The following MFHAS1 variants were observed in gnomAD, a reference collection of about 807,000 sequenced individuals.
MFHAS1 encodes the protein malignant fibrous histiocytoma-amplified sequence 1.
MFHAS1 carries 50 observed loss-of-function variants against 70.4 expected under a neutral mutation model. The observed-to-expected ratio is 0.71, with a 90% CI of 0.57 to 0.90. The LOEUF is 0.90. MFHAS1 is among the 40% of genes least tolerant of loss of function. The pLI, the probability that MFHAS1 is intolerant of heterozygous loss-of-function variation, is 0.00. For synonymous variants in MFHAS1, 952 were observed against 620.0 expected, an observed-to-expected ratio of 1.54 and a Z score of -7.96; for missense variants, 1,795 against 1,347.6, an observed-to-expected ratio of 1.33 and a Z score of -5.20.
chr8:8,817,207 T>G (rs1269027540), intron 1 of MFHAS1, among the ~76,000 whole-genome samples: 1 of 151,750 alleles, frequency 6.6e-6, no homozygotes, highest in Non-Finnish European at 1.5e-5. Flanking sequence ...ATAAAATGAG[T>G]AACCACCATA....
rs1806159820 is a variant in MFHAS1 at position 8,803,544 on chromosome 8, A to G, written c.2999-6053T>C. Among the ~76,000 whole-genome samples the G allele has an allele frequency of 1.3e-5, 2 of 151,814 alleles. 1 individual carries two copies. The highest frequency in any genetic ancestry group is 4.2e-4 in the South Asian group (2 of 4,812). On this transcript the variant is annotated intron_variant, in intron 1 of 2. Transcript: ENST00000276282. ...AAAAAAAAAAAAAGAAAGAAAAAGAAAACTAAATTCCATCTGTACTGAACA... is the reference window on the plus strand; with the variant it reads ...AAAAAAAAAAAAAGAAAGAAAAAGAGAACTAAATTCCATCTGTACTGAACA...
At chr8:8,885,744 C>T (rs773926717) in intron 1 of MFHAS1, among the ~76,000 whole-genome samples, 2 of 152,234 alleles carry the variant, frequency 1.3e-5, no homozygotes, top group Non-Finnish European at 2.9e-5. Context: ...GGGTCTTGCC[C>T]TGTCGCCCAG....
intron 1 of MFHAS1, among the ~76,000 whole-genome samples, chr8:8,868,357 T>C (rs1339607356): frequency 5.3e-5 from 8 of 150,718 alleles, no homozygotes; most frequent in Admixed American, 4.7e-4. Context: ...CTTGCAAAGA[T>C]GCAAAGATTT....
At chr8:8,815,479 A>G (rs1806707729) in intron 1 of MFHAS1, among the ~76,000 whole-genome samples, 1 of 152,140 alleles carries the variant, frequency 6.6e-6, no homozygotes, top group African/African-American at 2.4e-5. Flanking sequence ...TCGCACTCCC[A>G]CCAACAGTGT....
intron 1 of MFHAS1, among the ~76,000 whole-genome samples, chr8:8,812,833 C>T (rs919143006): frequency 6.6e-6 from 1 of 151,982 alleles, no homozygotes; most frequent in Non-Finnish European, 1.5e-5. Context: ...GTGGAGTGAT[C>T]TGAGCTCACT....
intron 2 of MFHAS1, among the ~76,000 whole-genome samples, chr8:8,787,947 C>CA (rs1273576880): frequency 6.6e-6 from 1 of 152,194 alleles, no homozygotes; most frequent in Non-Finnish European, 1.5e-5. Context: ...AAACAACCAT[C>CA]AAAATCACCA....
intron 1 of MFHAS1, among the ~76,000 whole-genome samples, chr8:8,864,027 T>C (rs1808764638): frequency 1.3e-5 from 2 of 151,658 alleles, no homozygotes; most frequent in South Asian, 4.1e-4. Flanking sequence ...AATTCCTGTT[T>C]ACCGGCATGT....
At chr8:8,831,771 T>C (rs954451843) in intron 1 of MFHAS1, among the ~76,000 whole-genome samples, 8 of 151,944 alleles carry the variant, frequency 5.3e-5, no homozygotes, top group Non-Finnish European at 1.2e-4. Context: ...ACCACACCCA[T>C]CTAACTTTTA....
chr8:8,867,849 G>A (rs1034504572), intron 1 of MFHAS1, among the ~76,000 whole-genome samples: 1 of 152,082 alleles, frequency 6.6e-6, no homozygotes, highest in Non-Finnish European at 1.5e-5. Flanking sequence ...GAGCCACCGT[G>A]CCTGGCCATA....
At chr8:8,845,956 C>G (rs1808015379) in intron 1 of MFHAS1, among the ~76,000 whole-genome samples, 2 of 152,030 alleles carry the variant, frequency 1.3e-5, no homozygotes, top group Admixed American at 6.6e-5. Context: ...ATCCTCCAAA[C>G]AGATCTAGAA....
chr8:8,808,044 T>A (rs1022616831), intron 1 of MFHAS1, among the ~76,000 whole-genome samples: 2 of 152,226 alleles, frequency 1.3e-5, no homozygotes, highest in African/African-American at 4.8e-5. Context: ...TCTAGTAGCA[T>A]GATGAAATCT....
In MFHAS1 at chr8:8,839,386, A is replaced by G. The variant is rs568436326; in HGVS notation, c.2999-41895T>C. On this transcript the variant is annotated intron_variant, in intron 1 of 2. Coordinates refer to ENST00000276282, the MANE Select transcript of MFHAS1 (RefSeq NM_004225.3). ...AGCCTGTCAAACTGTAAAGTGTTAT[A>G]TATTTGAAAGCTATCATCATTAAAG... Among the ~76,000 whole-genome samples the G allele has an allele frequency of 3.3e-5, 5 of 152,358 alleles. No individual in the cohort carries two copies. The South Asian group carries it at 1.0e-3, about 32-fold the overall frequency.
intron 1 of MFHAS1, among the ~76,000 whole-genome samples, chr8:8,822,969 G>T (rs1807022958): frequency 6.6e-6 from 1 of 152,128 alleles, no homozygotes; most frequent in East Asian, 1.9e-4. Flanking sequence ...GGAAGGGAGG[G>T]TAACAGAGCC....
At chr8:8,798,877 C>T (rs1467519291) in intron 1 of MFHAS1, among the ~76,000 whole-genome samples, 8 of 151,898 alleles carry the variant, frequency 5.3e-5, no homozygotes. Flanking sequence ...TGAAACTCCA[C>T]ATCTACTAAA....
intron 1 of MFHAS1, among the ~76,000 whole-genome samples, chr8:8,828,766 GA>G (rs1807258495): frequency 6.6e-6 from 1 of 152,222 alleles, no homozygotes; most frequent in South Asian, 2.1e-4. Flanking sequence ...GCATAGCCTG[GA>G]AAGAGCTGGC....
chr8:8,819,202 T>C (rs765012388), intron 1 of MFHAS1, among the ~76,000 whole-genome samples: 38 of 152,210 alleles, frequency 2.5e-4, no homozygotes, highest in Admixed American at 3.9e-4. Flanking sequence ...TCTATTCTAC[T>C]ACCATTTTGG....
At chr8:8,840,461 C>CAAAAAAAA (rs141909980) in intron 1 of MFHAS1, among the ~76,000 whole-genome samples, 7 of 82,090 alleles carry the variant, frequency 8.5e-5, no homozygotes, top group Admixed American at 1.4e-4. Context: ...CATCTCAATA[C>CAAAAAAAA]AAAAAAAAAA....
At chr8:8,879,003 T>C (rs1809404077) in intron 1 of MFHAS1, among the ~76,000 whole-genome samples, 1 of 152,182 alleles carries the variant, frequency 6.6e-6, no homozygotes, top group South Asian at 2.1e-4. Flanking sequence ...CAGAAATGAC[T>C]GATGATTTGA....
intron 1 of MFHAS1, among the ~76,000 whole-genome samples, chr8:8,805,094 AG>A (rs1288821732): frequency 2.6e-5 from 4 of 152,328 alleles, no homozygotes; most frequent in African/African-American, 9.6e-5. Context: ...CAAAAAGCTG[AG>A]GCCTCAGATC....
Sources: gnomAD v4.1 joint callset for allele counts (sites outside exome capture counted in the v4.1 genomes callset) on GRCh38, gnomAD v4.1.1 for gene constraint, MANE v1.5 for transcripts, NCBI Gene and HGNC (gene_info 2026-07-23, HGNC 2026-07-21) for gene names.